Variants in GNA12 observed in about 807,000 individuals in gnomAD.
GNA12 encodes G protein subunit alpha 12.
In GNA12, 9 loss-of-function variants were observed where a neutral mutation model predicts 26.0. That is an observed-to-expected ratio of 0.35 (90% CI 0.21 to 0.60). GNA12 has a LOEUF of 0.60. GNA12 is among the 20% of genes least tolerant of loss of function. GNA12 has a pLI of 0.78. For missense variants in GNA12, 405 were observed against 525.8 expected, an observed-to-expected ratio of 0.77 and a Z score of 2.25; for synonymous variants, 264 against 219.6, an observed-to-expected ratio of 1.20 and a Z score of -1.79.
intron 2 of GNA12, among the ~76,000 whole-genome samples, chr7:2,734,660 T>C (rs1790068299): frequency 6.6e-6 from 1 of 152,232 alleles, no homozygotes; most frequent in Non-Finnish European, 1.5e-5. Flanking sequence ...AGGAAGCTCC[T>C]TCAGGGAGGA....
chr7:2,752,247 A>C (rs866255581), intron 2 of GNA12, among the ~76,000 whole-genome samples: 1 of 151,866 alleles, frequency 6.6e-6, no homozygotes, highest in South Asian at 2.1e-4. Context: ...TCAGGGCTTA[A>C]AAAAAAAGTC....
At chr7:2,740,905 C>T (rs569964891) in intron 2 of GNA12, among the ~76,000 whole-genome samples, 8 of 152,142 alleles carry the variant, frequency 5.3e-5, no homozygotes, top group Admixed American at 1.3e-4. Context: ...ATTAGTCGGG[C>T]GTGGTGGCAG....
At chr7:2,782,569 T>C (rs1400234958) in intron 2 of GNA12, among the ~76,000 whole-genome samples, 3 of 152,178 alleles carry the variant, frequency 2.0e-5, no homozygotes, top group African/African-American at 7.2e-5. Context: ...TCCTTGAAAG[T>C]TCACGTCTAC....
chr7:2,782,754 C>G (rs943360191), intron 2 of GNA12, among the ~76,000 whole-genome samples: 5 of 151,956 alleles, frequency 3.3e-5, no homozygotes, highest in Non-Finnish European at 7.4e-5. Flanking sequence ...GCTGCCCCGA[C>G]TTTTCTTCCT....
chr7:2,842,069 A>C (rs148866698), intron 1 of GNA12, among the ~76,000 whole-genome samples: 17 of 98,320 alleles, frequency 1.7e-4, no homozygotes, highest in Middle Eastern at 5.4e-3. Context: ...GAAAGAAAGG[A>C]AGAAAAGGAA....
chr7:2,743,533 C>T (rs1790610303), intron 2 of GNA12, among the ~76,000 whole-genome samples: 1 of 152,114 alleles, frequency 6.6e-6, no homozygotes, highest in Non-Finnish European at 1.5e-5. Context: ...TAAAGATACA[C>T]AAAATCTTAT....
At chr7:2,755,857 C>A (rs953055497) in intron 2 of GNA12, among the ~76,000 whole-genome samples, 1 of 152,172 alleles carries the variant, frequency 6.6e-6, no homozygotes, top group Non-Finnish European at 1.5e-5. Context: ...ATGTCATATT[C>A]ATGAAATGGA....
At chr7:2,804,953 A>T (rs894395069) in intron 1 of GNA12, among the ~76,000 whole-genome samples, 2 of 152,090 alleles carry the variant, frequency 1.3e-5, no homozygotes, top group African/African-American at 4.8e-5. Flanking sequence ...TGTTCATTTT[A>T]GAAAGGCTGC....
intron 2 of GNA12, among the ~76,000 whole-genome samples, chr7:2,774,134 G>A (rs544281741): frequency 1.3e-5 from 2 of 152,260 alleles, no homozygotes; most frequent in African/African-American, 4.8e-5. Context: ...GAAGATGAAA[G>A]GGGTTCTGGG....
chr7:2,754,845 T>A (rs569257986), intron 2 of GNA12, among the ~76,000 whole-genome samples: 57 of 152,198 alleles, frequency 3.7e-4, no homozygotes, highest in Non-Finnish European at 7.2e-4. Context: ...TAGGGCGTCA[T>A]GTCTAAGAAT....
At chr7:2,816,460 A>AC (rs2115490009) in intron 1 of GNA12, among the ~76,000 whole-genome samples, 1 of 152,282 alleles carries the variant, frequency 6.6e-6, no homozygotes, top group Non-Finnish European at 1.5e-5. Flanking sequence ...CAAACTCCTG[A>AC]CCTCAGGTGA....
intron 1 of GNA12, among the ~76,000 whole-genome samples, chr7:2,840,633 T>C (rs1778964888): frequency 6.6e-6 from 1 of 152,118 alleles, no homozygotes; most frequent in Non-Finnish European, 1.5e-5. Flanking sequence ...CTGAGGCAGG[T>C]GGTTCGCTTG....
At chr7:2,802,148 A>G (rs1792823731) in intron 1 of GNA12, among the ~76,000 whole-genome samples, 1 of 152,224 alleles carries the variant, frequency 6.6e-6, no homozygotes, top group South Asian at 2.1e-4. Context: ...TTAATAGCTA[A>G]GAGAAAAATC....
intron 2 of GNA12, among the ~76,000 whole-genome samples, chr7:2,779,596 T>A (rs1476037481): frequency 6.6e-6 from 1 of 152,162 alleles, no homozygotes; most frequent in Admixed American, 6.5e-5. Flanking sequence ...ACTTCATTTT[T>A]AAAAACTTTT....
chr7:2,788,470 G>A (rs1161913167), intron 2 of GNA12, among the ~76,000 whole-genome samples: 4 of 152,186 alleles, frequency 2.6e-5, no homozygotes, highest in Non-Finnish European at 5.9e-5. Context: ...ACTCTGGACC[G>A]AGCAAGAAAA....
chr7:2,767,715 C>G (rs1791842045), intron 2 of GNA12, among the ~76,000 whole-genome samples: 1 of 152,182 alleles, frequency 6.6e-6, no homozygotes, highest in Admixed American at 6.5e-5. Context: ...TTTTGGAATT[C>G]AGAAACTTTC....
intron 2 of GNA12, among the ~76,000 whole-genome samples, chr7:2,793,705 A>G (rs1792577954): frequency 6.6e-6 from 1 of 151,956 alleles, no homozygotes; most frequent in African/African-American, 2.4e-5. Flanking sequence ...CAACATGGTA[A>G]AACTCCATCT....
chr7:2,733,849 A>G (rs974871290), intron 2 of GNA12, among the ~76,000 whole-genome samples: 18 of 152,160 alleles, frequency 1.2e-4, no homozygotes, highest in Non-Finnish European at 2.4e-4. Flanking sequence ...CCAGCAAAGG[A>G]CAGGCTAGAA....
At chr7:2,738,872 A>G (rs1227276471) in intron 2 of GNA12, among the ~76,000 whole-genome samples, 1 of 152,230 alleles carries the variant, frequency 6.6e-6, no homozygotes, top group African/African-American at 2.4e-5. Flanking sequence ...GTGAAAGTAC[A>G]GAGGAGCTGG....
Sources: allele counts gnomAD v4.1 joint callset (sites outside exome capture counted in the v4.1 genomes callset), GRCh38; gene constraint gnomAD v4.1.1; transcripts MANE v1.5; gene names NCBI Gene and HGNC (gene_info 2026-07-23, HGNC 2026-07-21).